Variants in ADGRV1 observed in about 807,000 individuals in gnomAD.
ADGRV1 encodes adhesion G protein-coupled receptor V1, also known as G-protein coupled receptor 98.
A neutral mutation model predicts 596.2 loss-of-function variants in ADGRV1; 359 were observed. That is an observed-to-expected ratio of 0.60 (90% CI 0.55 to 0.66). ADGRV1 has a LOEUF of 0.66. Ranked by LOEUF, ADGRV1 falls within the 30% of genes least tolerant of loss-of-function variation. The pLI is 0.00. For missense variants in ADGRV1, 7,274 were observed against 7,575.6 expected, an observed-to-expected ratio of 0.96 and a Z score of 1.48; for synonymous variants, 2,681 against 2,679.2, an observed-to-expected ratio of 1.00 and a Z score of -0.02.
chr5:90,773,204 A>G (rs944333591), intron 59 of ADGRV1, among the ~76,000 whole-genome samples: 2 of 152,016 alleles, frequency 1.3e-5, no homozygotes, highest in Non-Finnish European at 2.9e-5. Context: ...TCTACATAAG[A>G]AAACATGGGT....
intron 85 of ADGRV1, among the ~76,000 whole-genome samples, chr5:90,986,111 C>CAT (rs372775378): frequency 0.053 from 7,156 of 135,900 alleles, 487 homozygotes; most frequent in African/African-American, 0.16. Flanking sequence ...ATATATTATG[C>CAT]ATATATATAT....
At position 90,985,459 on chromosome 5, in the gene ADGRV1, T is replaced by C. The variant is rs973893068; in HGVS notation, c.18089T>C (p.Val6030Ala). The change falls in exon 85 of 90, where the codon GTT becomes GCT. Residue 6030 changes from valine (V) to alanine (A), a missense_variant. By Grantham distance (64) the Val-to-Ala change is moderately conservative. Transcript: ENST00000405460. ...GCTTTTGTGGTGATTCTCCTCATAG[T>C]TATTTTGAAAGGAATCTATCATCAG... ...LPAFVVILLI[V>A]ILKGIYHQSM... 2 of 1,613,846 alleles carry C rather than the reference T, an allele frequency of 1.2e-6. No individual in the cohort carries two copies. The highest frequency in any genetic ancestry group is 3.3e-5 in the Admixed American group (2 of 60,014).
intron 27 of ADGRV1, among the ~76,000 whole-genome samples, chr5:90,682,299 G>A (rs953324518): frequency 6.6e-6 from 1 of 152,168 alleles, no homozygotes; most frequent in Non-Finnish European, 1.5e-5. Flanking sequence ...AGCTCTTATA[G>A]CTTCTTTCTG....
chr5:90,667,082 ATGTG>A (rs990885601), intron 21 of ADGRV1, among the ~76,000 whole-genome samples: 1,849 of 151,624 alleles, frequency 0.012, 29 homozygotes, highest in African/African-American at 0.043. Context: ...ACTGACAATT[ATGTG>A]TCTTGGAGTT....
chr5:90,954,592 T>C (rs2150922320), intron 83 of ADGRV1, among the ~76,000 whole-genome samples: 1 of 152,304 alleles, frequency 6.6e-6, no homozygotes, highest in East Asian at 1.9e-4. Flanking sequence ...TCTATAAACA[T>C]AAAGTCTAAA....
Position 91,163,825 on chromosome 5 carries a change from C to G in ADGRV1, c.18846C>G (p.Ser6282Arg), listed in dbSNP as rs999887518. 1 of 1,603,806 alleles carries G rather than the reference C, an allele frequency of 6.2e-7. No individual in the cohort carries two copies. Among genetic ancestry groups the G allele is most frequent in the Non-Finnish European group, 8.5e-7 (1 of 1,173,108 alleles). The change falls in exon 90 of 90, where the codon AGC (serine) becomes AGG (arginine). Residue 6282 changes from serine (S) to arginine (R), a missense_variant. Around this residue, in one of 5 missense-constraint regions of ADGRV1, gnomAD observed 1,874 missense variants for 1,970.2 expected, o/e 0.95. Coordinates refer to ENST00000405460, the MANE Select transcript of ADGRV1 (RefSeq NM_032119.4). ...SVSDNESGQG[S>R]QEGGTLTDSQ... ...GTGATAATGAATCTGGTCAAGGCAG[C>G]CAGGAGGGGGGCACCTTGACTGACT... is the stretch of plus-strand genomic sequence containing the variant.
chr5:90,994,612 GT>G (rs1411669818), intron 85 of ADGRV1, among the ~76,000 whole-genome samples: 1 of 151,904 alleles, frequency 6.6e-6, no homozygotes, highest in African/African-American at 2.4e-5. Flanking sequence ...TATCTTCTTG[GT>G]TTTTTGCATA....
intron 10 of ADGRV1, 86 bp downstream of exon 10, chr5:90,635,376 G>A (rs2149402415): frequency 8.3e-7 from 1 of 1,209,782 alleles, no homozygotes. Context: ...CAGCATATAG[G>A]GTTAACATCT....
At chr5:91,078,994 G>A (rs2126486781) in intron 86 of ADGRV1, among the ~76,000 whole-genome samples, 1 of 152,160 alleles carries the variant, frequency 6.6e-6, no homozygotes, top group East Asian at 1.9e-4. Flanking sequence ...AAACCTTCAG[G>A]ATTTATAAAT....
At chr5:90,721,518 A>ATTAAAT (rs1389910760) in intron 45 of ADGRV1, among the ~76,000 whole-genome samples, 1 of 98,014 alleles carries the variant, frequency 1.0e-5, no homozygotes, top group African/African-American at 5.3e-5. Flanking sequence ...ATAAAATAAA[A>ATTAAAT]TAAAATAAAA....
chr5:90,659,709 G>A (rs972725293), intron 21 of ADGRV1, among the ~76,000 whole-genome samples: 5 of 151,920 alleles, frequency 3.3e-5, no homozygotes, highest in Non-Finnish European at 7.4e-5. Flanking sequence ...TATAAGGCTG[G>A]ATTTTCTTTA....
chr5:90,649,732 G>A (rs907490057), intron 17 of ADGRV1, among the ~76,000 whole-genome samples: 2 of 152,010 alleles, frequency 1.3e-5, no homozygotes, highest in Non-Finnish European at 2.9e-5. Context: ...CAAGCAATTC[G>A]CCCGCCTGGG....
In ADGRV1 at chr5:90,683,751, G is replaced by A. The variant is rs41302834; in HGVS notation, c.5830G>A (p.Asp1944Asn). Residue 1944 changes from aspartate to asparagine, a missense_variant, in exon 28 of 90, where the codon GAT becomes AAT. By Grantham distance (23) the Asp-to-Asn change is conservative. Coordinates refer to ENST00000405460, the MANE Select transcript of ADGRV1 (RefSeq NM_032119.4). ...ATTGCCTGACGAAGACCCAGAACTG[G>A]ATAAGGCATTCTCTGTGTCAGTCCT... ...EILPDEDPEL[D>N]KAFSVSVLSV... The A allele has an allele frequency of 5.9e-3, 9,495 of 1,613,812 alleles. 39 individuals carry two copies. Among genetic ancestry groups the A allele is most frequent in the Non-Finnish European group, 6.8e-3 (7,970 of 1,179,854 alleles).
intron 1 of ADGRV1, among the ~76,000 whole-genome samples, chr5:90,609,782 G>A (rs1028844116): frequency 2.6e-5 from 4 of 151,988 alleles, no homozygotes; most frequent in East Asian, 1.9e-4. Context: ...CAAGGTAAAA[G>A]ATGAAGCTAA....
chr5:90,593,746 AT>A (rs764114937), intron 1 of ADGRV1, among the ~76,000 whole-genome samples: 15 of 152,274 alleles, frequency 9.9e-5, no homozygotes, highest in East Asian at 1.9e-4. Flanking sequence ...AATAAAAAAA[AT>A]ATGTAGTATT....
intron 34 of ADGRV1, among the ~76,000 whole-genome samples, chr5:90,698,266 CACTT>C (rs1194781260): frequency 6.6e-5 from 10 of 152,128 alleles, no homozygotes; most frequent in African/African-American, 1.9e-4. Flanking sequence ...ACAACAGTAA[CACTT>C]ACGGAGTGTT....
At chr5:90,735,478 G>A (rs751318878) in intron 50 of ADGRV1, among the ~76,000 whole-genome samples, 24 of 151,970 alleles carry the variant, frequency 1.6e-4, no homozygotes, top group African/African-American at 4.1e-4. Context: ...GCTTGAGATC[G>A]TTTTGTCTAT....
At chr5:91,055,250 A>C (rs1378943680) in intron 85 of ADGRV1, among the ~76,000 whole-genome samples, 1 of 135,666 alleles carries the variant, frequency 7.4e-6, no homozygotes, top group Non-Finnish European at 1.6e-5. Context: ...GCTGTTGCAA[A>C]TATATATATA....
chr5:91,134,190 CTT>C (rs765170987), intron 87 of ADGRV1, among the ~76,000 whole-genome samples: 34 of 142,002 alleles, frequency 2.4e-4, no homozygotes, highest in Admixed American at 2.1e-4. Flanking sequence ...CTGTTTCTTT[CTT>C]TTTTTTTTTT....
Sources: allele counts gnomAD v4.1 joint callset (sites outside exome capture counted in the v4.1 genomes callset), GRCh38; gene constraint gnomAD v4.1.1; regional missense constraint gnomAD v4.1.1; transcripts MANE v1.5; gene names NCBI Gene and HGNC (gene_info 2026-07-23, HGNC 2026-07-21).